Variants in CALB2 observed in about 807,000 individuals in gnomAD.
CALB2 encodes the protein calretinin.
CALB2 carries 34 observed loss-of-function variants against 45.9 expected under a neutral mutation model. The ratio of observed to expected loss-of-function variants is 0.74; its 90% confidence interval spans 0.56 to 0.99. The LOEUF (loss-of-function observed/expected upper bound fraction) is 0.99, where lower values mean the gene tolerates loss of function less well. Among genes scored for constraint, CALB2 ranks in the 50% least tolerant of loss-of-function variants. The pLI, the probability that CALB2 is intolerant of heterozygous loss-of-function variation, is 0.00. For missense variants in CALB2, 344 were observed against 339.3 expected (o/e 1.01, Z -0.11); for synonymous variants, 142 against 129.6 (o/e 1.10, Z -0.65).
chr16:71,369,805 G>A (rs781428444), intron 1 of CALB2, among the ~76,000 whole-genome samples: 7 of 152,152 alleles, frequency 4.6e-5, no homozygotes, highest in Non-Finnish European at 7.3e-5. Context: ...TGCCTTCTCA[G>A]TTGAGAAGAA....
intron 10 of CALB2, 80 bp from the exon 11 acceptor site, chr16:71,389,669 T>G (rs1040385147): frequency 1.8e-5 from 17 of 930,272 alleles, no homozygotes; most frequent in Non-Finnish European, 3.0e-5. Flanking sequence ...TGGGTGTTTG[T>G]GTTTGTGAAT....
intron 1 of CALB2, among the ~76,000 whole-genome samples, chr16:71,359,259 T>C (rs1443367594): frequency 6.6e-6 from 1 of 152,166 alleles, no homozygotes; most frequent in Non-Finnish European, 1.5e-5. Flanking sequence ...CTCATTTCTT[T>C]CCTCCTCTTC....
intron 3 of CALB2, among the ~76,000 whole-genome samples, chr16:71,377,341 T>C (rs1220675371): frequency 6.6e-6 from 1 of 152,132 alleles, no homozygotes; most frequent in Non-Finnish European, 1.5e-5. Context: ...TCTACTTAGA[T>C]TAGTTTGCAT....
intron 1 of CALB2, among the ~76,000 whole-genome samples, chr16:71,363,172 C>G (rs1375003027): frequency 2.0e-5 from 3 of 152,126 alleles, no homozygotes; most frequent in Non-Finnish European, 4.4e-5. Flanking sequence ...GCAACAGAGC[C>G]AGACCCTATC....
chr16:71,385,520 C>T lies in CALB2; in HGVS notation c.628-57C>T, dbSNP rs187803985. On this transcript the variant is annotated intron_variant, in intron 9 of 10. Coordinates refer to ENST00000302628, the MANE Select transcript of CALB2 (RefSeq NM_001740.5). ...ACTCTTAGACATCCCTGGAATGGGT[C>T]GGGACAGCAGGGGCCCAGGCTTTAG... The T allele has an allele frequency of 7.8e-5, 117 of 1,505,320 alleles. No individual in the cohort carries two copies. The East Asian group carries it at 2.4e-3, about 31-fold the overall frequency. 93.2% of individuals were successfully genotyped at this position (1,505,320 alleles called of 1,614,324 possible).
intron 4 of CALB2, among the ~76,000 whole-genome samples, chr16:71,380,437 G>A (rs1246224775): frequency 4.1e-5 from 6 of 147,142 alleles, no homozygotes; most frequent in East Asian, 2.0e-4. Context: ...GCCTCCCGCC[G>A]AGCTCGGATT....
chr16:71,366,611 G>A (rs550560190), intron 1 of CALB2, among the ~76,000 whole-genome samples: 13 of 152,184 alleles, frequency 8.5e-5, no homozygotes, highest in South Asian at 2.1e-4. Flanking sequence ...GATTACAGGC[G>A]TGAGCCACCA....
In CALB2 at chr16:71,390,238, A is replaced by T; in HGVS notation, c.*373A>T. ...CCCTCTGCCGGTCCCCCATGCCACC[A>T]CCCACCCCAAACTTCCAGGTTCCAT... On this transcript the variant is annotated 3_prime_UTR_variant, in exon 11 of 11. Coordinates refer to ENST00000302628, the MANE Select transcript of CALB2 (RefSeq NM_001740.5). 5.7e-6 allele frequency: 1 copy of T among 175,444 alleles called. No homozygotes were observed. The highest frequency in any genetic ancestry group is 1.2e-5 in the Non-Finnish European group (1 of 82,214). The allele number at this position is 175,444 out of a possible 1,614,324, so 10.9% of individuals were successfully genotyped here.
chr16:71,384,888 C>T (rs1256355191), intron 9 of CALB2, 52 bp downstream of exon 9: 34 of 1,472,578 alleles, frequency 2.3e-5, no homozygotes, highest in Non-Finnish European at 2.9e-5. Flanking sequence ...ATCAGCCCGT[C>T]CAGAAGGGCT....
chr16:71,382,097 G>GAAGAAA, intron 4 of CALB2, among the ~76,000 whole-genome samples: 1 of 136,178 alleles, frequency 7.3e-6, no homozygotes, highest in Non-Finnish European at 1.6e-5. Context: ...AAAGAGAAAG[G>GAAGAAA]AAGGAAGGAA....
chr16:71,359,487 C>T (rs1024522602), intron 1 of CALB2, among the ~76,000 whole-genome samples: 6 of 152,146 alleles, frequency 3.9e-5, no homozygotes, highest in Admixed American at 1.3e-4. Context: ...GGTGTGGTGG[C>T]GGGCAGCGTT....
intron 9 of CALB2, chr16:71,385,328 C>T: frequency 2.2e-6 from 1 of 448,558 alleles, no homozygotes. Context: ...CTTCTTGAAT[C>T]TCACTTAAAT....
chr16:71,384,104 G>A (rs2144999062), intron 7 of CALB2, 79 bp downstream of exon 7: 2 of 1,494,302 alleles, frequency 1.3e-6, no homozygotes, highest in South Asian at 1.1e-5. Context: ...AGATCCATTG[G>A]TGGGAAAGTG....
chr16:71,377,495 C>G (rs988612028), intron 3 of CALB2, among the ~76,000 whole-genome samples, 172 bp from the exon 4 acceptor site: 1 of 152,166 alleles, frequency 6.6e-6, no homozygotes, highest in African/African-American at 2.4e-5. Context: ...CTCTGAACAT[C>G]CTTCTTTCCC....
At chr16:71,378,338 C>A (rs188814886) in intron 4 of CALB2, among the ~76,000 whole-genome samples, 4 of 151,482 alleles carry the variant, frequency 2.6e-5, no homozygotes, top group Admixed American at 2.0e-4. Context: ...CATAGTGAGA[C>A]CTTGTCTCTA....
chr16:71,381,492 A>G (rs545551506), intron 4 of CALB2, among the ~76,000 whole-genome samples: 1 of 152,302 alleles, frequency 6.6e-6, no homozygotes, highest in East Asian at 1.9e-4. Context: ...GGTGTTTAAA[A>G]AGAGACATTT....
At chr16:71,367,094 G>A (rs370566388) in intron 1 of CALB2, among the ~76,000 whole-genome samples, 3 of 152,064 alleles carry the variant, frequency 2.0e-5, no homozygotes, top group East Asian at 3.9e-4. Flanking sequence ...CCAAGTGTCC[G>A]TGGTCAGATG....
At position 71,385,661 on chromosome 16, in the gene CALB2, G is replaced by A. The variant is rs766982698; in HGVS notation, c.699+13G>A. 3.1e-6 allele frequency: 5 copies of A among 1,612,488 alleles called. No individual in the cohort carries two copies. Among genetic ancestry groups the A allele is most frequent in the South Asian group, 2.2e-5 (2 of 90,996 alleles). ...GAAAAACAAAAAGGTGAGCAGCCAA[G>A]CCTGAGGCCCGGCCACTGTCCCCAG... On this transcript the variant is annotated intron_variant, in intron 10 of 10. Transcript: ENST00000302628.
At chr16:71,374,878 T>A in intron 3 of CALB2, 44 bp downstream of exon 3, 5 of 1,296,380 alleles carry the variant, frequency 3.9e-6, no homozygotes, top group Non-Finnish European at 5.6e-6. Context: ...GGAGGGGCCC[T>A]GGGTCCCTGT....
Sources: gnomAD v4.1 joint callset for allele counts (sites outside exome capture counted in the v4.1 genomes callset) on GRCh38, gnomAD v4.1.1 for gene constraint, MANE v1.5 for transcripts, NCBI Gene and HGNC (gene_info 2026-07-23, HGNC 2026-07-21) for gene names.